Variants in MBD2 observed in about 807,000 individuals in gnomAD.
MBD2 encodes methyl-CpG binding domain protein 2, also known as methyl-CpG-binding domain protein 2.
MBD2 carries 9 observed loss-of-function variants against 39.3 expected under a neutral mutation model. The ratio of observed to expected loss-of-function variants is 0.23; its 90% CI spans 0.14 to 0.40. The LOEUF is 0.40. MBD2 is among the 10% of genes least tolerant of loss of function. MBD2 has a pLI of 1.00. For missense variants in MBD2, 458 were observed against 532.6 expected (o/e 0.86, Z 1.38); for synonymous variants, 233 against 211.1 (o/e 1.10, Z -0.90).
chr18:54,215,707 G>A (rs1449485915), intron 1 of MBD2, among the ~76,000 whole-genome samples: 3 of 151,804 alleles, frequency 2.0e-5, no homozygotes, highest in Non-Finnish European at 4.4e-5. Context: ...TGTTGGTCAG[G>A]CTGGTCTCGA....
At chr18:54,182,608 G>A (rs891780857) in intron 3 of MBD2, among the ~76,000 whole-genome samples, 5 of 152,170 alleles carry the variant, frequency 3.3e-5, no homozygotes, top group African/African-American at 1.2e-4. Context: ...AGAAAGCACT[G>A]CAGGGTTTTC....
chr18:54,215,522 C>G (rs1179171469), intron 1 of MBD2, among the ~76,000 whole-genome samples: 1 of 147,240 alleles, frequency 6.8e-6, no homozygotes, highest in African/African-American at 2.6e-5. Context: ...ATGGATCTCC[C>G]TCTGCTGCCA....
intron 6 of MBD2, among the ~76,000 whole-genome samples, chr18:54,156,553 T>A (rs2086052796): frequency 6.6e-6 from 1 of 152,014 alleles, no homozygotes; most frequent in Non-Finnish European, 1.5e-5. Context: ...AAGTAATCTG[T>A]AAAGGAAGCA....
At chr18:54,165,133 G>A (rs2086122013) in intron 4 of MBD2, among the ~76,000 whole-genome samples, 1 of 152,138 alleles carries the variant, frequency 6.6e-6, no homozygotes. Flanking sequence ...TAGAGTACTG[G>A]TATAGTCTCT....
chr18:54,171,690 T>A lies in MBD2; in HGVS notation c.841-5524A>T, dbSNP rs1005797023. Among the ~76,000 whole-genome samples the A allele has an allele frequency of 2.0e-5, 3 of 152,172 alleles. No individual in the cohort carries two copies. In the South Asian group the frequency reaches 6.2e-4, roughly 32 times the overall value. Reference sequence around the variant, plus strand: ...GCCCAGTCATACTGTCTTGATGAAATAGGGAGAGGAAGAGGAGGAAAACTA... The same window carrying A: ...GCCCAGTCATACTGTCTTGATGAAAAAGGGAGAGGAAGAGGAGGAAAACTA... On this transcript the variant is annotated intron_variant, in intron 3 of 6. Transcript: ENST00000256429.
Position 54,224,211 on chromosome 18 carries a change from CGCT to C in MBD2, c.346_348del (p.Ser116del). ...TCCCGCCGGGGGGCGCCGCCGCCAC[CGCT>C]GCCGCCGCCGCCGCAGCCGCCGCCG... On this transcript the variant is annotated inframe_deletion, in exon 1 of 7. Coordinates refer to ENST00000256429, the MANE Select transcript of MBD2 (RefSeq NM_003927.5). 1 of 1,138,918 alleles carries C rather than the reference CGCT, an allele frequency of 8.8e-7. No individual in the cohort carries two copies. The highest frequency in any genetic ancestry group is 1.1e-6 in the Non-Finnish European group (1 of 927,910). The allele number at this position is 1,138,918 out of a possible 1,614,324, so 70.6% of individuals were successfully genotyped here.
rs191675462 is a variant in MBD2, at chr18:54,215,541, T to C, written c.542+8477A>G. ...ATCTCCCTCTGCTGCCAGGCTGGAG[T>C]GCAGTGGCGCGATCTCAGCTAGCTG... On this transcript the variant is annotated intron_variant, in intron 1 of 6. Transcript: ENST00000256429. Among the ~76,000 whole-genome samples the C allele has an allele frequency of 5.7e-3, 837 of 147,452 alleles. 2 individuals carry two copies. The highest frequency in any genetic ancestry group is 8.9e-3 in the Non-Finnish European group (602 of 67,430).
rs886547766 is a variant in MBD2, at chr18:54,224,223, CGCCGCA to C, written c.331_336del (p.Cys111_Gly112del). ...GCGCCGCCGCCACCGCTGCCGCCGC[CGCCGCA>C]GCCGCCGCCGTCGCCGCCAAGGCCG... On this transcript the variant is annotated inframe_deletion, in exon 1 of 7. Coordinates refer to ENST00000256429, the MANE Select transcript of MBD2 (RefSeq NM_003927.5). The C allele has an allele frequency of 1.5e-5, 16 of 1,053,722 alleles. No individual in the cohort carries two copies. Among genetic ancestry groups the C allele is most frequent in the African/African-American group, 6.9e-5 (4 of 58,378 alleles). 65.3% of individuals were successfully genotyped at this position (1,053,722 alleles called of 1,614,324 possible). A position where few individuals can be genotyped will look rare whatever the true frequency, so the allele number is the denominator to read the frequency against.
intron 2 of MBD2, among the ~76,000 whole-genome samples, chr18:54,196,956 C>T (rs1053260539): frequency 2.6e-5 from 4 of 152,220 alleles, no homozygotes; most frequent in Admixed American, 2.0e-4. Context: ...AAAGATGGAA[C>T]AGTACTATTA....
intron 6 of MBD2, 110 bp downstream of exon 6, chr18:54,159,655 C>T: frequency 1.6e-6 from 2 of 1,217,052 alleles, no homozygotes; most frequent in East Asian, 2.4e-5. Context: ...CTGAGCTCAA[C>T]TGATCGCCCG....
chr18:54,222,855 G>C (rs1243943430), intron 1 of MBD2, among the ~76,000 whole-genome samples: 1 of 152,210 alleles, frequency 6.6e-6, no homozygotes, highest in Non-Finnish European at 1.5e-5. Flanking sequence ...ATATGTGTAT[G>C]TACATTTCTT....
chr18:54,208,930 T>G (rs2086475825), intron 1 of MBD2, among the ~76,000 whole-genome samples: 1 of 152,234 alleles, frequency 6.6e-6, no homozygotes, highest in East Asian at 1.9e-4. Context: ...CTTATGTTTA[T>G]CATCTAGATT....
intron 1 of MBD2, among the ~76,000 whole-genome samples, chr18:54,211,475 C>T (rs2086507285): frequency 6.6e-6 from 1 of 152,056 alleles, no homozygotes; most frequent in East Asian, 1.9e-4. Context: ...ACCTCCTTAA[C>T]TCCTTTCCCC....
rs976832656 is a variant in MBD2, at chr18:54,202,703, T to C, written c.702+2295A>G. ...AATAATGTACGGTATAATTTATTTA[T>C]TTAATAAACATTTATTACCACTATA... On this transcript the variant is annotated intron_variant, in intron 2 of 6. Transcript: ENST00000256429. 23 of 1,186,238 alleles carry C rather than the reference T, an allele frequency of 1.9e-5. No homozygotes were observed. In the African/African-American group the frequency reaches 3.4e-4, roughly 18 times the overall value. The allele number at this position is 1,186,238 out of a possible 1,614,324, so 73.5% of individuals were successfully genotyped here.
At chr18:54,206,037 C>T (rs1294329359) in intron 1 of MBD2, among the ~76,000 whole-genome samples, 1 of 152,066 alleles carries the variant, frequency 6.6e-6, no homozygotes, top group Non-Finnish European at 1.5e-5. Flanking sequence ...TCATAACACT[C>T]ACAATAAAAA....
chr18:54,178,557 A>G (rs146209951), intron 3 of MBD2, among the ~76,000 whole-genome samples: 3 of 152,248 alleles, frequency 2.0e-5, no homozygotes, highest in Non-Finnish European at 2.9e-5. Flanking sequence ...AAATACAGGC[A>G]TAAAAAAAAA....
chr18:54,214,966 T>G (rs2086544429), intron 1 of MBD2, among the ~76,000 whole-genome samples: 2 of 152,068 alleles, frequency 1.3e-5, no homozygotes, highest in Admixed American at 1.3e-4. Context: ...GGTCTCGATC[T>G]CCTGACCTCG....
At chr18:54,200,959 A>C (rs999513184) in intron 2 of MBD2, among the ~76,000 whole-genome samples, 36 of 152,012 alleles carry the variant, frequency 2.4e-4, no homozygotes, top group Non-Finnish European at 4.9e-4. Context: ...GGGGGCCTGT[A>C]GTCCCAGCTA....
At chr18:54,206,457 G>A (rs1257647348) in intron 1 of MBD2, among the ~76,000 whole-genome samples, 1 of 152,144 alleles carries the variant, frequency 6.6e-6, no homozygotes, top group Non-Finnish European at 1.5e-5. Flanking sequence ...GTCACATTTA[G>A]AACTTAACCT....
Sources: allele counts gnomAD v4.1 joint callset (sites outside exome capture counted in the v4.1 genomes callset), GRCh38; gene constraint gnomAD v4.1.1; transcripts MANE v1.5; gene names NCBI Gene and HGNC (gene_info 2026-07-23, HGNC 2026-07-21).